MIPOL1: variants seen among roughly 807,000 people sequenced by gnomAD.
The protein encoded by MIPOL1 is mirror-image polydactyly gene 1 protein.
In MIPOL1, 57 loss-of-function variants were observed where a neutral mutation model predicts 60.9. The observed-to-expected ratio is 0.94, with a 90% confidence interval of 0.76 to 1.17. MIPOL1 has a LOEUF of 1.17. Ranked by LOEUF, MIPOL1 falls within the 50% of genes most tolerant of loss-of-function variation. The pLI is 0.00. For missense variants in MIPOL1, 551 were observed against 511.6 expected, an observed-to-expected ratio of 1.08 and a Z score of -0.74; for synonymous variants, 179 against 168.8, an observed-to-expected ratio of 1.06 and a Z score of -0.47.
intron 9 of MIPOL1, among the ~76,000 whole-genome samples, chr14:37,308,986 C>T (rs188646513): frequency 1.3e-5 from 2 of 152,202 alleles, no homozygotes; most frequent in East Asian, 3.9e-4. Flanking sequence ...TCCTGCTCTA[C>T]CTGAAACCTG....
At chr14:37,335,697 G>T (rs892211235) in intron 9 of MIPOL1, among the ~76,000 whole-genome samples, 4 of 152,092 alleles carry the variant, frequency 2.6e-5, no homozygotes, top group Admixed American at 6.5e-5. Flanking sequence ...TTTGGCCATT[G>T]TGAATAATGC....
At chr14:37,546,427 A>G (rs943274810) in intron 12 of MIPOL1, among the ~76,000 whole-genome samples, 2 of 152,184 alleles carry the variant, frequency 1.3e-5, no homozygotes, top group African/African-American at 4.8e-5. Flanking sequence ...AGCTGATTCT[A>G]TGAAAAGATG....
intron 12 of MIPOL1, among the ~76,000 whole-genome samples, chr14:37,539,659 TACA>T (rs1304254684): frequency 6.6e-6 from 1 of 152,124 alleles, no homozygotes; most frequent in African/African-American, 2.4e-5. Context: ...ACAGTAAAGA[TACA>T]ACAATTTTCT....
chr14:37,396,346 G>A (rs533852070), intron 10 of MIPOL1, among the ~76,000 whole-genome samples: 1 of 152,154 alleles, frequency 6.6e-6, no homozygotes, highest in Non-Finnish European at 1.5e-5. Flanking sequence ...GAAATCTGCT[G>A]TTAATCTGAT....
intron 11 of MIPOL1, among the ~76,000 whole-genome samples, chr14:37,437,606 A>G (rs1370602048): frequency 6.6e-6 from 1 of 152,156 alleles, no homozygotes; most frequent in Non-Finnish European, 1.5e-5. Flanking sequence ...TGTATGATAC[A>G]GTGTTTTAAT....
At chr14:37,396,081 G>GT (rs1165650567) in intron 10 of MIPOL1, among the ~76,000 whole-genome samples, 3 of 149,708 alleles carry the variant, frequency 2.0e-5, no homozygotes, top group East Asian at 2.0e-4. Context: ...TTTTTTTTTT[G>GT]TTTTTTGTTT....
intron 12 of MIPOL1, among the ~76,000 whole-genome samples, chr14:37,530,159 C>A (rs2095470954): frequency 6.6e-6 from 1 of 152,056 alleles, no homozygotes; most frequent in Non-Finnish European, 1.5e-5. Context: ...ACATTATCGA[C>A]AAAATGTGAT....
intron 7 of MIPOL1, among the ~76,000 whole-genome samples, chr14:37,295,036 G>A (rs1195045739): frequency 6.6e-6 from 1 of 152,158 alleles, no homozygotes; most frequent in Non-Finnish European, 1.5e-5. Context: ...AGGAAAAAAT[G>A]TTCAGGGCAG....
chr14:37,339,824 C>T (rs2090439146), intron 9 of MIPOL1, among the ~76,000 whole-genome samples: 2 of 152,060 alleles, frequency 1.3e-5, no homozygotes, highest in South Asian at 4.1e-4. Context: ...TAGTAGTAGC[C>T]TGTGGAGATT....
intron 10 of MIPOL1, among the ~76,000 whole-genome samples, chr14:37,390,541 A>G (rs1442989515): frequency 6.6e-6 from 1 of 152,134 alleles, no homozygotes; most frequent in Non-Finnish European, 1.5e-5. Context: ...AATATTCAAA[A>G]AAGTAGGAGA....
chr14:37,472,587 G>T (rs973027866), intron 11 of MIPOL1, among the ~76,000 whole-genome samples: 2 of 152,078 alleles, frequency 1.3e-5, no homozygotes, highest in African/African-American at 2.4e-5. Flanking sequence ...TTAACTAAGT[G>T]TCTTCACTGA....
At chr14:37,361,557 G>A (rs1047285266) in intron 9 of MIPOL1, among the ~76,000 whole-genome samples, 1 of 145,698 alleles carries the variant, frequency 6.9e-6, no homozygotes, top group Non-Finnish European at 1.5e-5. Context: ...TCTCCTTGTT[G>A]AATTGTTCCC....
chr14:37,470,790 G>A (rs2094676599), intron 11 of MIPOL1, among the ~76,000 whole-genome samples: 1 of 152,100 alleles, frequency 6.6e-6, no homozygotes, highest in Non-Finnish European at 1.5e-5. Context: ...AGACTGAAGA[G>A]CATCAAGGAA....
intron 10 of MIPOL1, 128 bp downstream of exon 10, chr14:37,369,752 C>T (rs2153495877): frequency 1.8e-6 from 1 of 556,258 alleles, no homozygotes; most frequent in East Asian, 3.1e-5. Flanking sequence ...ACAACCCCTT[C>T]TTTAAACACA....
intron 11 of MIPOL1, among the ~76,000 whole-genome samples, chr14:37,430,515 A>ATTTTTT (rs765408771): frequency 4.5e-4 from 67 of 149,412 alleles, no homozygotes; most frequent in Non-Finnish European, 7.2e-4. Context: ...TTTTTTTTAA[A>ATTTTTT]AAAAAGTATA....
At chr14:37,258,781 C>T (rs776536368) in intron 3 of MIPOL1, among the ~76,000 whole-genome samples, 18 of 151,934 alleles carry the variant, frequency 1.2e-4, no homozygotes, top group Non-Finnish European at 1.8e-4. Flanking sequence ...ACAAAGAAAT[C>T]GGAACTTTTC....
At chr14:37,289,897 C>T (rs1463132805) in intron 7 of MIPOL1, among the ~76,000 whole-genome samples, 1 of 152,030 alleles carries the variant, frequency 6.6e-6, no homozygotes, top group East Asian at 1.9e-4. Flanking sequence ...CATTAGCGTA[C>T]AAAAAGACAT....
At chr14:37,272,780 C>G (rs988314355) in intron 6 of MIPOL1, among the ~76,000 whole-genome samples, 3 of 151,328 alleles carry the variant, frequency 2.0e-5, no homozygotes, top group African/African-American at 2.4e-5. Flanking sequence ...GTTATAAGCA[C>G]GCACACATAC....
chr14:37,428,103 T>C (rs1293040795), intron 11 of MIPOL1, among the ~76,000 whole-genome samples: 1 of 152,100 alleles, frequency 6.6e-6, no homozygotes, highest in Non-Finnish European at 1.5e-5. Context: ...TGGGAAAATA[T>C]AGGATTAGGA....
Sources: gnomAD v4.1 joint callset for allele counts (sites outside exome capture counted in the v4.1 genomes callset) on GRCh38, gnomAD v4.1.1 for gene constraint, MANE v1.5 for transcripts, NCBI Gene and HGNC (gene_info 2026-07-23, HGNC 2026-07-21) for gene names.